The following OSGEPL1 variants were observed in gnomAD, a reference collection of about 807,000 sequenced individuals.
OSGEPL1 encodes tRNA N6-adenosine threonylcarbamoyltransferase, mitochondrial.
In OSGEPL1, 26 loss-of-function variants were observed where a neutral mutation model predicts 37.2. The ratio of observed to expected loss-of-function variants is 0.70; its 90% CI spans 0.51 to 0.97. OSGEPL1 has a LOEUF of 0.97. OSGEPL1 is among the 50% of genes least tolerant of loss of function. OSGEPL1 has a pLI of 0.00. For missense variants in OSGEPL1, 404 were observed against 487.0 expected, an observed-to-expected ratio of 0.83 and a Z score of 1.60; for synonymous variants, 140 against 159.9, an observed-to-expected ratio of 0.88 and a Z score of 0.94.
At chr2:189,757,372 T>C (rs550610589) in intron 2 of OSGEPL1, among the ~76,000 whole-genome samples, 3 of 152,360 alleles carry the variant, frequency 2.0e-5, no homozygotes, top group African/African-American at 7.2e-5. Flanking sequence ...TCCTCTATTA[T>C]TGCATTTTCC....
At chr2:189,752,776 A>T in intron 6 of OSGEPL1, 52 bp from the exon 7 acceptor site, 1 of 1,613,256 alleles carries the variant, frequency 6.2e-7, no homozygotes, top group Non-Finnish European at 8.5e-7. Context: ...CTGAAGGAAG[A>T]AGGCTTAGTA....
intron 2 of OSGEPL1, among the ~76,000 whole-genome samples, chr2:189,757,094 G>C (rs1294319130): frequency 6.6e-6 from 1 of 152,142 alleles, no homozygotes; most frequent in Non-Finnish European, 1.5e-5. Flanking sequence ...TCTATGATTT[G>C]TAGACAGTAT....
At chr2:189,759,520 G>A (rs562301814) in intron 2 of OSGEPL1, among the ~76,000 whole-genome samples, 7 of 152,290 alleles carry the variant, frequency 4.6e-5, no homozygotes, top group South Asian at 2.1e-4. Flanking sequence ...AAAGTGATGC[G>A]ATTACAGGCG....
upstream of OSGEPL1, chr2:189,763,051 T>C (rs899218840): frequency 1.4e-5 from 14 of 985,284 alleles, no homozygotes; most frequent in Non-Finnish European, 1.7e-5. Context: ...AAAGAAATTT[T>C]TTTTTTGCCC....
chr2:189,755,019 CT>C, intron 3 of OSGEPL1, 153 bp downstream of exon 3: 1 of 829,850 alleles, frequency 1.2e-6, no homozygotes, highest in East Asian at 2.7e-5. Context: ...TTGTGTACTA[CT>C]CTTTCTATTT....
chr2:189,757,852 C>T (rs1332588125), intron 2 of OSGEPL1, among the ~76,000 whole-genome samples: 1 of 152,194 alleles, frequency 6.6e-6, no homozygotes, highest in Non-Finnish European at 1.5e-5. Context: ...GTAGTCTCCT[C>T]AAGTGACCTA....
upstream of OSGEPL1, chr2:189,763,032 C>T (rs552897856): frequency 4.9e-5 from 48 of 985,278 alleles, no homozygotes; most frequent in Non-Finnish European, 5.5e-5. Flanking sequence ...AAACACTAAG[C>T]TACATTAAAA....
At chr2:189,747,993 G>A (rs1419570667) in intron 8 of OSGEPL1, among the ~76,000 whole-genome samples, 2 of 151,996 alleles carry the variant, frequency 1.3e-5, no homozygotes, top group Non-Finnish European at 1.5e-5. Flanking sequence ...GCTTCACTGT[G>A]TACTTTAAAG....
chr2:189,753,827 T>C (rs559529981), intron 5 of OSGEPL1, 89 bp downstream of exon 5: 2 of 1,361,194 alleles, frequency 1.5e-6, no homozygotes, highest in South Asian at 1.3e-5. Flanking sequence ...CATAAAGATC[T>C]GTTCATCCTA....
rs976377785 is a variant in OSGEPL1 at position 189,754,286 on chromosome 2, T to C, written c.669A>G (p.Lys223=). ...CTTGTTTGGCCAAATGTTCTATGGC[T>C]TTCCCACCACTCATGGTGGAGCACT... ...HPECSTMSGG[K]AIEHLAKQGN... is the part of the protein sequence containing the mutation. The change falls in exon 4 of 9, where the codon AAA becomes AAG. Residue 223 remains lysine, a synonymous_variant. Coordinates refer to ENST00000264151, the MANE Select transcript of OSGEPL1 (RefSeq NM_022353.3). The C allele has an allele frequency of 2.5e-6, 4 of 1,613,824 alleles. No individual in the cohort carries two copies. In the Middle Eastern group the frequency reaches 6.6e-4, roughly 266 times the overall value.
At chr2:189,760,769 G>T (rs2046929093) in intron 2 of OSGEPL1, among the ~76,000 whole-genome samples, 1 of 151,452 alleles carries the variant, frequency 6.6e-6, no homozygotes, top group Non-Finnish European at 1.5e-5. Context: ...CCAGCCTGGT[G>T]ACAGAGTGAG....
chr2:189,749,392 A>G lies in OSGEPL1; in HGVS notation c.*28+1158T>C, dbSNP rs191365709. Among the ~76,000 whole-genome samples, 39 of 151,794 alleles carry G rather than the reference A, an allele frequency of 2.6e-4. 1 individual carries two copies. The highest frequency in any genetic ancestry group is 2.6e-3 in the Admixed American group (39 of 15,226). ...CTACTCCAGCCTGGGCAACATAGCAAGATGCTGTCTATAAAAATCGAAATA... is the reference window on the plus strand; with the variant it reads ...CTACTCCAGCCTGGGCAACATAGCAGGATGCTGTCTATAAAAATCGAAATA... On this transcript the variant is annotated intron_variant, in intron 8 of 8. Transcript: ENST00000264151.
chr2:189,762,515 AT>A (rs1358081811), intron 1 of OSGEPL1, 169 bp downstream of exon 1: 5 of 849,042 alleles, frequency 5.9e-6, no homozygotes, highest in Non-Finnish European at 7.1e-6. Flanking sequence ...GACAAGGAGG[AT>A]TGTACGAAGC....
At chr2:189,755,594 A>G in intron 2 of OSGEPL1, 34 bp from the exon 3 acceptor site, 1 of 1,566,858 alleles carries the variant, frequency 6.4e-7, no homozygotes, top group Admixed American at 2.3e-5. Flanking sequence ...TTGTAGTTTT[A>G]AGATTGTAAA....
At chr2:189,763,115 A>C, upstream of OSGEPL1, 10 of 985,138 alleles carry the variant, frequency 1.0e-5, 1 homozygote, top group South Asian at 4.7e-4. Flanking sequence ...ATTATTCGTC[A>C]TTCATTTTTA....
At chr2:189,748,287 A>G (rs181957043) in intron 8 of OSGEPL1, among the ~76,000 whole-genome samples, 16 of 152,312 alleles carry the variant, frequency 1.1e-4, no homozygotes, top group South Asian at 8.3e-4. Context: ...ACTGTAGCCT[A>G]TAACTCCTGG....
intron 2 of OSGEPL1, among the ~76,000 whole-genome samples, chr2:189,759,483 C>A (rs985371195): frequency 6.6e-6 from 1 of 152,166 alleles, no homozygotes; most frequent in African/African-American, 2.4e-5. Flanking sequence ...ATCTCCTGAC[C>A]TCATGGTCCA....
chr2:189,752,617 G>A (rs777457502), intron 7 of OSGEPL1, 36 bp downstream of exon 7: 3 of 1,604,800 alleles, frequency 1.9e-6, no homozygotes, highest in East Asian at 2.2e-5. Context: ...CTTAAGTAAT[G>A]TAACTTGCAT....
upstream of OSGEPL1, chr2:189,763,174 T>C (rs957779140): frequency 7.1e-6 from 7 of 985,272 alleles, no homozygotes; most frequent in Non-Finnish European, 8.4e-6. Flanking sequence ...CCTGATACTT[T>C]CATCGGAGAA....
Sources: allele counts gnomAD v4.1 joint callset (sites outside exome capture counted in the v4.1 genomes callset), GRCh38; gene constraint gnomAD v4.1.1; transcripts MANE v1.5; gene names NCBI Gene and HGNC (gene_info 2026-07-23, HGNC 2026-07-21).